The following NSDHL variants were observed in gnomAD, a reference collection of about 807,000 sequenced individuals.
NSDHL encodes NAD(P) dependent 3-beta-hydroxysteroid dehydrogenase NSDHL.
A neutral mutation model predicts 23.0 loss-of-function variants in NSDHL; 1 was observed. That is an observed-to-expected ratio of 0.04 (90% CI 0.02 to 0.21). The LOEUF is 0.21. Among genes scored for constraint, NSDHL ranks in the 10% least tolerant of loss-of-function variants. NSDHL has a pLI of 1.00. For missense variants in NSDHL, 237 were observed against 300.9 expected (o/e 0.79, Z 1.57); for synonymous variants, 128 against 121.1 (o/e 1.06, Z -0.37).
chrX:152,863,135 C>T (rs782515292), intron 5 of NSDHL, among the ~76,000 whole-genome samples: 4 of 109,839 alleles, frequency 3.6e-5, no homozygotes, highest in Admixed American at 2.9e-4. Context: ...GCACTCCAGC[C>T]TGGGGGATAG....
At chrX:152,859,148 C>T (rs1353089533) in intron 4 of NSDHL, among the ~76,000 whole-genome samples, 1 of 111,941 alleles carries the variant, frequency 8.9e-6, no homozygotes, top group Non-Finnish European at 1.9e-5. Flanking sequence ...ATCTGAGGAC[C>T]TCAAGCCTAT....
intron 1 of NSDHL, among the ~76,000 whole-genome samples, chrX:152,835,275 G>T (rs782570100): frequency 2.8e-5 from 3 of 108,859 alleles, no homozygotes; most frequent in African/African-American, 1.0e-4. Context: ...TGAGGCCAGT[G>T]GCTACAAGGT....
In NSDHL at chrX:152,846,339, T is replaced by C; in HGVS notation, c.15T>C (p.Val5=). The C allele has an allele frequency of 8.3e-7, 1 of 1,208,585 alleles. No homozygotes were observed. Among genetic ancestry groups the C allele is most frequent in the Non-Finnish European group, 1.1e-6 (1 of 892,501 alleles). ...TTTGCTTCGAAATGGAACCAGCAGT[T>C]AGCGAGCCAATGAGAGACCAAGTCG... MEPA[V]SEPMRDQVAR... The change falls in exon 2 of 8, where the codon GTT becomes GTC. Residue 5 remains valine, a synonymous_variant. Transcript: ENST00000370274.
intron 3 of NSDHL, among the ~76,000 whole-genome samples, chrX:152,850,883 C>G (rs1226962637): frequency 8.9e-6 from 1 of 112,371 alleles, no homozygotes; most frequent in Non-Finnish European, 1.9e-5. Flanking sequence ...TGATCTAACT[C>G]CAGAATATTT....
chrX:152,869,111 A>T lies in NSDHL; in HGVS notation c.1117A>T (p.Lys373Ter). The T allele has an allele frequency of 8.3e-7, 1 of 1,204,546 alleles. No individual in the cohort carries two copies. The highest frequency in any genetic ancestry group is 3.0e-5 in the East Asian group (1 of 33,834). Residue 373 changes from lysine to a stop codon, truncating the protein, a stop_gained, in exon 8 of 8, where the codon AAG becomes TAG. Coordinates refer to ENST00000370274, the MANE Select transcript of NSDHL (RefSeq NM_015922.3). LOFTEE classifies it high-confidence loss of function. ...VQSFRHLRRV[K>*] is the part of the protein sequence containing the mutation. ...GAGCTTTCGCCACCTGCGGAGGGTCAAGTGAGGGACACTGGAGGCTGGGCT... is the reference window on the plus strand; with the variant it reads ...GAGCTTTCGCCACCTGCGGAGGGTCTAGTGAGGGACACTGGAGGCTGGGCT...
chrX:152,859,738 T>C (rs1352648079), intron 4 of NSDHL, among the ~76,000 whole-genome samples: 1 of 112,632 alleles, frequency 8.9e-6, no homozygotes, highest in African/African-American at 3.2e-5. Context: ...TTCAGGCATC[T>C]ACCCAGAAGT....
At chrX:152,842,156 T>G (rs1366392010) in intron 1 of NSDHL, among the ~76,000 whole-genome samples, 2 of 112,573 alleles carry the variant, frequency 1.8e-5, no homozygotes, top group Non-Finnish European at 3.7e-5. Flanking sequence ...CTGTAGTGAT[T>G]AATGCTGCTG....
At chrX:152,862,892 T>G (rs1472079011) in intron 5 of NSDHL, among the ~76,000 whole-genome samples, 168 bp downstream of exon 5, 1 of 112,030 alleles carries the variant, frequency 8.9e-6, no homozygotes, top group Non-Finnish European at 1.9e-5. Flanking sequence ...CCGGGCACGG[T>G]GGCTCACGCT....
chrX:152,858,652 T>A lies in NSDHL; in HGVS notation c.268-118T>A, dbSNP rs1933479147. On this transcript the variant is annotated intron_variant, in intron 3 of 7. Transcript: ENST00000370274. The stretch of plus-strand genomic sequence containing the variant: ...CTTTTATGAGAATGTATTTCCATAT[T>A]GATTATAGAATTATAAGACAAGGAA... The A allele has an allele frequency of 5.2e-6, 3 of 578,781 alleles. No homozygotes were observed. The South Asian group carries it at 8.1e-5, about 16-fold the overall frequency. 47.7% of individuals were successfully genotyped at this position (578,781 alleles called of 1,213,427 possible).
At position 152,846,353 on chromosome X, in the gene NSDHL, G is replaced by A. The variant is rs782205394; in HGVS notation, c.29G>A (p.Arg10Lys). Residue 10 changes from arginine (R) to lysine (K), a missense_variant, in exon 2 of 8, where the codon AGA (arginine) becomes AAA (lysine). Arg to Lys is a conservative substitution (Grantham distance 26). Around this residue, in one of 3 missense-constraint regions of NSDHL, gnomAD observed 81 missense variants for 103.3 expected, o/e 0.78. Coordinates refer to ENST00000370274, the MANE Select transcript of NSDHL (RefSeq NM_015922.3). MEPAVSEPM[R>K]DQVARTHLTE... ...GAACCAGCAGTTAGCGAGCCAATGA[G>A]AGACCAAGTCGCACGGACTCATTTG... is the stretch of plus-strand genomic sequence containing the variant. 1 of 1,210,844 alleles carries A rather than the reference G, an allele frequency of 8.3e-7. No individual in the cohort carries two copies.
At chrX:152,868,741 TG>T (rs781820653) in intron 7 of NSDHL, 42 bp from the exon 8 acceptor site, 20 of 1,102,329 alleles carry the variant, frequency 1.8e-5, no homozygotes, top group Non-Finnish European at 2.5e-5. Flanking sequence ...TTTGGGCAGG[TG>T]GGGGTGGTGT....
chrX:152,869,084 C>G lies in NSDHL; in HGVS notation c.1090C>G (p.Gln364Glu). Residue 364 changes from glutamine to glutamate, a missense_variant, in exon 8 of 8, where the codon CAG (glutamine) becomes GAG (glutamate). This residue lies in a region of NSDHL where 117 missense variants were observed against 99.5 expected (regional missense o/e 1.18). Coordinates refer to ENST00000370274, the MANE Select transcript of NSDHL (RefSeq NM_015922.3). ...TMDDAMERTVQSFRHLRRVK is the reference protein window; with the variant it reads ...TMDDAMERTVESFRHLRRVK ...GGATGATGCTATGGAGAGGACCGTGCAGAGCTTTCGCCACCTGCGGAGGGT... is the reference window on the plus strand; with the variant it reads ...GGATGATGCTATGGAGAGGACCGTGGAGAGCTTTCGCCACCTGCGGAGGGT... 1 of 1,211,838 alleles carries G rather than the reference C, an allele frequency of 8.3e-7. No homozygotes were observed.
chrX:152,861,606 C>T (rs1343254852), intron 4 of NSDHL, among the ~76,000 whole-genome samples: 1 of 112,863 alleles, frequency 8.9e-6, no homozygotes, highest in African/African-American at 3.2e-5. Context: ...AGAGAATTGA[C>T]ATCTTTCCCA....
intron 6 of NSDHL, 43 bp downstream of exon 6, chrX:152,866,004 C>T (rs1165279714): frequency 1.7e-6 from 2 of 1,189,321 alleles, no homozygotes; most frequent in Non-Finnish European, 2.3e-6. Context: ...CTTCCTGGTC[C>T]ATGCTCGCAT....
chrX:152,853,129 G>A (rs1165489761), intron 3 of NSDHL, among the ~76,000 whole-genome samples: 1 of 6,915 alleles, frequency 1.4e-4, no homozygotes, highest in African/African-American at 2.9e-4. Flanking sequence ...TCTCAGGCAC[G>A]TGTGTGTGTG....
intron 1 of NSDHL, among the ~76,000 whole-genome samples, chrX:152,844,739 T>C (rs1303475459): frequency 8.9e-6 from 1 of 112,509 alleles, no homozygotes; most frequent in Non-Finnish European, 1.9e-5. Flanking sequence ...ATGGGAGCTC[T>C]GGTGGGTGTG....
chrX:152,858,715 T>C, intron 3 of NSDHL, 55 bp from the exon 4 acceptor site: 1 of 1,122,550 alleles, frequency 8.9e-7, no homozygotes, highest in South Asian at 1.8e-5. Context: ...AACATGAGAA[T>C]GCCATTGACC....
At chrX:152,848,914 G>A (rs1933314824) in intron 2 of NSDHL, among the ~76,000 whole-genome samples, 1 of 112,786 alleles carries the variant, frequency 8.9e-6, no homozygotes, top group African/African-American at 3.2e-5. Context: ...TGCAAATCAT[G>A]TAACCTGGTA....
At chrX:152,855,647 T>G (rs1933433967) in intron 3 of NSDHL, among the ~76,000 whole-genome samples, 1 of 111,689 alleles carries the variant, frequency 9.0e-6, no homozygotes, top group Non-Finnish European at 1.9e-5. Flanking sequence ...ATCATCTGTC[T>G]CTTATCCTCT....
Sources: allele counts gnomAD v4.1 joint callset (sites outside exome capture counted in the v4.1 genomes callset), GRCh38; gene constraint gnomAD v4.1.1; regional missense constraint gnomAD v4.1.1; transcripts MANE v1.5; gene names NCBI Gene and HGNC (gene_info 2026-07-23, HGNC 2026-07-21).